The following CA12 variants were observed in gnomAD, a reference collection of about 807,000 sequenced individuals.
CA12 encodes carbonic anhydrase 12, also known as carbonate dehydratase XII.
CA12 carries 36 observed loss-of-function variants against 46.8 expected under a neutral mutation model. That is an observed-to-expected ratio of 0.77 (90% CI 0.59 to 1.02). CA12 has a LOEUF of 1.02. Among genes scored for constraint, CA12 ranks in the 50% least tolerant of loss-of-function variants. CA12 has a pLI of 0.00. For synonymous variants in CA12, 202 were observed against 187.0 expected (o/e 1.08, Z -0.65); for missense variants, 436 against 451.4 (o/e 0.97, Z 0.31).
chr15:63,371,744 C>T (rs1239526701), intron 2 of CA12, among the ~76,000 whole-genome samples: 1 of 152,210 alleles, frequency 6.6e-6, no homozygotes, highest in Non-Finnish European at 1.5e-5. Flanking sequence ...GGATGAAACA[C>T]CACGCCCATT....
chr15:63,369,391 T>A (rs2039473175), intron 2 of CA12, among the ~76,000 whole-genome samples: 2 of 152,178 alleles, frequency 1.3e-5, no homozygotes, highest in South Asian at 4.1e-4. Context: ...GAAACTACAG[T>A]TAGCTTTGTA....
intron 4 of CA12, among the ~76,000 whole-genome samples, chr15:63,343,615 C>A (rs1357846203): frequency 6.6e-6 from 1 of 152,110 alleles, no homozygotes; most frequent in Non-Finnish European, 1.5e-5. Context: ...CCCAAAGAAC[C>A]ACTACACTTC....
chr15:63,343,964 C>T lies in CA12; in HGVS notation c.429+1513G>A, dbSNP rs117753049. 6.0e-4 allele frequency among the ~76,000 whole-genome samples: 92 copies of T among 152,242 alleles called. 1 individual carries two copies. In the East Asian group the frequency reaches 0.013, roughly 22 times the overall value. ...GCCCACTAGGAAATTCACTGTGGGC[C>T]GCAAGGTCTTTACCCTAAAACAGTT... On this transcript the variant is annotated intron_variant, in intron 4 of 10. Transcript: ENST00000178638.
At position 63,381,653 on chromosome 15, in the gene CA12, C is replaced by G. The variant is rs2039647525; in HGVS notation, c.68G>C (p.Ser23Thr). ...AACTTTACCGTTCACTGGGGCCGGG[C>G]TGGAAGGCTGTTCCTTTAAGATCAC... ...LLVILKEQPS[S>T]PAPVNGSKWT... Residue 23 changes from serine to threonine, a missense_variant, in exon 1 of 11, where the codon AGC becomes ACC. Ser to Thr is a moderately conservative substitution (Grantham distance 58). Coordinates refer to ENST00000178638, the MANE Select transcript of CA12 (RefSeq NM_001218.5). The G allele has an allele frequency of 6.2e-7, 1 of 1,611,774 alleles. No individual in the cohort carries two copies. Among genetic ancestry groups the G allele is most frequent in the Non-Finnish European group, 8.5e-7 (1 of 1,179,032 alleles).
intron 8 of CA12, among the ~76,000 whole-genome samples, chr15:63,335,735 C>T (rs766486085): frequency 6.6e-6 from 1 of 152,070 alleles, no homozygotes; most frequent in Non-Finnish European, 1.5e-5. Context: ...ACCCTAATTA[C>T]AAACATGCCT....
At chr15:63,362,989 C>G (rs1239621159) in intron 2 of CA12, among the ~76,000 whole-genome samples, 1 of 152,190 alleles carries the variant, frequency 6.6e-6, no homozygotes, top group East Asian at 1.9e-4. Context: ...CTTTGCTTCT[C>G]TGGGCTTCAC....
intron 4 of CA12, among the ~76,000 whole-genome samples, chr15:63,342,807 T>C (rs1414935151): frequency 6.6e-6 from 1 of 152,222 alleles, no homozygotes; most frequent in Non-Finnish European, 1.5e-5. Context: ...TCTTTGTCCT[T>C]GAGACTATGA....
In CA12 at chr15:63,340,826, T is replaced by C. The variant is rs2152615846; in HGVS notation, c.526-43A>G. On this transcript the variant is annotated intron_variant, in intron 5 of 10. Coordinates refer to ENST00000178638, the MANE Select transcript of CA12 (RefSeq NM_001218.5). The surrounding 1 kb of genome is among the most constrained non-coding windows in gnomAD (Gnocchi z 4.4). ...CAGGTTAAACTGGGACAGAACAGGA[T>C]AGGCTGAGCCAGGATTGACGATTGC... 1 of 1,570,972 alleles carries C rather than the reference T, an allele frequency of 6.4e-7. No homozygotes were observed. Among genetic ancestry groups the C allele is most frequent in the African/African-American group, 1.3e-5 (1 of 74,154 alleles).
In CA12 at chr15:63,345,953, C is replaced by G. The variant is rs1174853795; in HGVS notation, c.287-334G>C. 6.6e-6 allele frequency among the ~76,000 whole-genome samples: 1 copy of G among 152,202 alleles called. No homozygotes were observed. The highest frequency in any genetic ancestry group is 2.4e-5 in the African/African-American group (1 of 41,454). ...GGATCAGACACCTTTAGTGAAGTAC[C>G]TTCCAAGCTTTAGAATTATATAGCA... On this transcript the variant is annotated intron_variant, in intron 3 of 10. Transcript: ENST00000178638. The surrounding 1 kb of genome is among the most constrained non-coding windows in gnomAD (Gnocchi z 4.3).
At position 63,328,245 on chromosome 15, in the gene CA12, G is replaced by A. The variant is rs1015800392; in HGVS notation, c.875-115C>T. 1.2e-5 allele frequency: 11 copies of A among 928,672 alleles called. No homozygotes were observed. The highest frequency in any genetic ancestry group is 1.9e-5 in the Non-Finnish European group (11 of 572,564). 57.5% of individuals were successfully genotyped at this position (928,672 alleles called of 1,614,324 possible). A position where few individuals can be genotyped will look rare whatever the true frequency, so the allele number is the denominator to read the frequency against. Reference sequence around the variant, plus strand: ...TTGGTCTTAGGCTGACAGACCTCTAGGGATGTCCACCCTTGGCTCAGGGAT... The same window carrying A: ...TTGGTCTTAGGCTGACAGACCTCTAAGGATGTCCACCCTTGGCTCAGGGAT... On this transcript the variant is annotated intron_variant, in intron 8 of 10. Coordinates refer to ENST00000178638, the MANE Select transcript of CA12 (RefSeq NM_001218.5). The surrounding 1 kb of genome is among the most constrained non-coding windows in gnomAD (Gnocchi z 5.9).
rs149328597 is a variant in CA12 at position 63,331,319 on chromosome 15, G to A, written c.875-3189C>T. On this transcript the variant is annotated intron_variant, in intron 8 of 10. Coordinates refer to ENST00000178638, the MANE Select transcript of CA12 (RefSeq NM_001218.5). This position sits in a 1 kb window ranked among gnomAD's most constrained non-coding sequence, Gnocchi z 5.3. ...AGCAGAGCCTCGGCTGGGTGAGAGC[G>A]AAGCCTCTAGGCACTGTAGAGAACA... 4.9e-3 allele frequency among the ~76,000 whole-genome samples: 749 copies of A among 152,312 alleles called. 5 individuals carry two copies. The highest frequency in any genetic ancestry group is 0.017 in the African/African-American group (713 of 41,568).
In CA12 at chr15:63,322,130, C is replaced by T. The variant is rs1399609234; in HGVS notation, c.*4155G>A. On this transcript the variant is annotated 3_prime_UTR_variant, in exon 11 of 11. Coordinates refer to ENST00000178638, the MANE Select transcript of CA12 (RefSeq NM_001218.5). This position sits in a 1 kb window ranked among gnomAD's most constrained non-coding sequence, Gnocchi z 4.1. ...ACATCTAAAAGCCGATCATTGATTCCATTATTTGGAAAACAACTTCTAAGT... is the reference window on the plus strand; with the variant it reads ...ACATCTAAAAGCCGATCATTGATTCTATTATTTGGAAAACAACTTCTAAGT... 6.6e-6 allele frequency: 1 copy of T among 152,172 alleles called. No homozygotes were observed. Among genetic ancestry groups the T allele is most frequent in the Admixed American group, 6.5e-5 (1 of 15,272 alleles). The allele number at this position is 152,172 out of a possible 1,614,324, so 9.4% of individuals were successfully genotyped here.
chr15:63,345,481 G>C lies in CA12; in HGVS notation c.425C>G (p.Ala142Gly). 3 of 1,607,018 alleles carry C rather than the reference G, an allele frequency of 1.9e-6. No individual in the cohort carries two copies. The East Asian group carries it at 6.7e-5, about 36-fold the overall frequency. Residue 142 changes from alanine (A) to glycine (G), a missense_variant, in exon 4 of 11, where the codon GCC becomes GGC. Coordinates refer to ENST00000178638, the MANE Select transcript of CA12 (RefSeq NM_001218.5). The surrounding 1 kb of genome is among the most constrained non-coding windows in gnomAD (Gnocchi z 4.3). ...EHTVSGQHFA[A>G]ELHIVHYNSD... is the part of the protein sequence containing the mutation. Reference sequence around the variant, plus strand: ...CAGACTGGCAGCCCTACTTACCTCGGCGGCGAAGTGCTGTCCGCTGACGGT... The same window carrying C: ...CAGACTGGCAGCCCTACTTACCTCGCCGGCGAAGTGCTGTCCGCTGACGGT...
Position 63,330,716 on chromosome 15 carries a change from G to A in CA12, c.875-2586C>T, listed in dbSNP as rs572950196. Among the ~76,000 whole-genome samples, 6 of 152,272 alleles carry A rather than the reference G, an allele frequency of 3.9e-5. No individual in the cohort carries two copies. The highest frequency in any genetic ancestry group is 1.4e-4 in the African/African-American group (6 of 41,554). On this transcript the variant is annotated intron_variant, in intron 8 of 10. Coordinates refer to ENST00000178638, the MANE Select transcript of CA12 (RefSeq NM_001218.5). This position sits in a 1 kb window ranked among gnomAD's most constrained non-coding sequence, Gnocchi z 4.0. The stretch of plus-strand genomic sequence containing the variant: ...GCTTTTCTCAGGGCACATGCCCTGC[G>A]TGGTGGCTTCTCTGGAGGGAGAGTC...
At chr15:63,375,416 T>G (rs1481156429) in intron 2 of CA12, 3 of 467,032 alleles carry the variant, frequency 6.4e-6, no homozygotes. Flanking sequence ...ATCTGAAGCC[T>G]GGACACTATG....
chr15:63,347,079 G>T (rs2039160124), intron 2 of CA12, among the ~76,000 whole-genome samples: 1 of 152,208 alleles, frequency 6.6e-6, no homozygotes, highest in South Asian at 2.1e-4. Flanking sequence ...GGGTCTTGGG[G>T]CTGCCAGGTT....
At chr15:63,347,155 G>C (rs904121814) in intron 2 of CA12, among the ~76,000 whole-genome samples, 3 of 152,198 alleles carry the variant, frequency 2.0e-5, no homozygotes, top group Non-Finnish European at 4.4e-5. Context: ...GCAAATCTGC[G>C]GGGCCACCCC....
In CA12 at chr15:63,328,130, A is replaced by T. The variant is rs777438004; in HGVS notation, c.875T>A (p.Val292Glu). The T allele has an allele frequency of 1.2e-6, 2 of 1,613,998 alleles. No individual in the cohort carries two copies. Among genetic ancestry groups the T allele is most frequent in the East Asian group, 4.5e-5 (2 of 44,870 alleles). Reference sequence around the variant, plus strand: ...CAGTCCTGCCGCAGTACAGACTTGCACTTAAAAGGGGAGAGGAAAAGACGA... The same window carrying T: ...CAGTCCTGCCGCAGTACAGACTTGCTCTTAAAAGGGGAGAGGAAAAGACGA... ...ERLVYTSFSQ[V>E]QVCTAAGLSL... Residue 292 changes from valine (V) to glutamate (E), a missense_variant and splice_region_variant, in exon 9 of 11, where the codon GTG (valine) becomes GAG (glutamate). Coordinates refer to ENST00000178638, the MANE Select transcript of CA12 (RefSeq NM_001218.5). The surrounding 1 kb of genome is among the most constrained non-coding windows in gnomAD (Gnocchi z 5.9).
intron 2 of CA12, among the ~76,000 whole-genome samples, chr15:63,351,291 C>T (rs1165642918): frequency 6.6e-6 from 1 of 152,222 alleles, no homozygotes; most frequent in African/African-American, 2.4e-5. Flanking sequence ...CGCCATGTCA[C>T]ACTGCAAAGG....
Sources: gnomAD v4.1 joint callset for allele counts (sites outside exome capture counted in the v4.1 genomes callset) on GRCh38, gnomAD v4.1.1 for gene constraint, Gnocchi (gnomAD v3.1) non-coding constraint, MANE v1.5 for transcripts, NCBI Gene and HGNC (gene_info 2026-07-23, HGNC 2026-07-21) for gene names.